Variants in CHIC1 observed in about 807,000 individuals in gnomAD.
CHIC1 encodes the protein cysteine-rich hydrophobic domain-containing protein 1.
Under a neutral mutation model 18.5 loss-of-function variants are expected in CHIC1, and 7 were observed. The ratio of observed to expected loss-of-function variants is 0.38; its 90% CI spans 0.22 to 0.71. CHIC1 has a LOEUF of 0.71. Ranked by LOEUF, CHIC1 falls within the 30% of genes least tolerant of loss-of-function variation. The pLI, the probability that CHIC1 is intolerant of heterozygous loss-of-function variation, is 0.49. For synonymous variants in CHIC1, 77 were observed against 73.5 expected, an observed-to-expected ratio of 1.05 and a Z score of -0.25; for missense variants, 159 against 176.9, an observed-to-expected ratio of 0.90 and a Z score of 0.57.
chrX:73,657,226 C>CT lies in CHIC1; in HGVS notation c.508-22092dup, dbSNP rs773486013. 9.2e-5 allele frequency among the ~76,000 whole-genome samples: 10 copies of CT among 108,876 alleles called. 1 individual carries two copies. The South Asian group carries it at 2.0e-3, about 22-fold the overall frequency. The allele number at this position is 108,876 out of a possible 115,157, so 94.5% of individuals were successfully genotyped here. Reference sequence around the variant, plus strand: ...AGGTGCCCGCCACCATGCCCGGCTACTTTTTTTTATTTTTTAGTAGAGACA... The same window carrying CT: ...AGGTGCCCGCCACCATGCCCGGCTACTTTTTTTTTATTTTTTAGTAGAGACA... On this transcript the variant is annotated intron_variant, in intron 3 of 5. Coordinates refer to ENST00000373502, the MANE Select transcript of CHIC1 (RefSeq NM_001039840.4).
In CHIC1 at chrX:73,642,123, A is replaced by C. The variant is rs750512506; in HGVS notation, c.508-37203A>C. Among the ~76,000 whole-genome samples, 5 of 111,887 alleles carry C rather than the reference A, an allele frequency of 4.5e-5. No individual in the cohort carries two copies. The South Asian group carries it at 1.9e-3, about 42-fold the overall frequency. Reference sequence around the variant, plus strand: ...ACTTCCACAAGGATCGAACTAGTTTACAATCCCACCAACAGTGTAAAAGTG... The same window carrying C: ...ACTTCCACAAGGATCGAACTAGTTTCCAATCCCACCAACAGTGTAAAAGTG... On this transcript the variant is annotated intron_variant, in intron 3 of 5. Coordinates refer to ENST00000373502, the MANE Select transcript of CHIC1 (RefSeq NM_001039840.4).
intron 3 of CHIC1, among the ~76,000 whole-genome samples, chrX:73,659,277 A>G (rs2057967214): frequency 9.0e-6 from 1 of 111,201 alleles, no homozygotes; most frequent in African/African-American, 3.3e-5. Flanking sequence ...TTATCTTTCA[A>G]AGCTTTTGCA....
chrX:73,672,120 A>G (rs1721164342), intron 3 of CHIC1, among the ~76,000 whole-genome samples: 1 of 111,912 alleles, frequency 8.9e-6, no homozygotes, highest in African/African-American at 3.3e-5. Context: ...ATGGCTGCAT[A>G]GTATTCCATG....
intron 3 of CHIC1, among the ~76,000 whole-genome samples, chrX:73,620,878 A>G (rs2057756791): frequency 2.7e-5 from 3 of 111,880 alleles, no homozygotes; most frequent in Non-Finnish European, 5.6e-5. Flanking sequence ...ATTTTTGCAT[A>G]AGGTGTATGT....
At position 73,571,995 on chromosome X, in the gene CHIC1, C is replaced by T. The variant is rs884169; in HGVS notation, c.297-5412C>T. Among the ~76,000 whole-genome samples the T allele has an allele frequency of 6.8e-3, 742 of 109,758 alleles. 5 individuals are homozygous for T. Among genetic ancestry groups the T allele is most frequent in the African/African-American group, 0.023 (697 of 30,350 alleles). ...ATTTTAGATTTGGGGGATACATGCGCAGTTTTATTACAAAGGTATATTACA... is the reference window on the plus strand; with the variant it reads ...ATTTTAGATTTGGGGGATACATGCGTAGTTTTATTACAAAGGTATATTACA... On this transcript the variant is annotated intron_variant, in intron 1 of 5. Coordinates refer to ENST00000373502, the MANE Select transcript of CHIC1 (RefSeq NM_001039840.4).
chrX:73,603,896 G>A lies in CHIC1; in HGVS notation c.507+19324G>A, dbSNP rs182804111. On this transcript the variant is annotated intron_variant, in intron 3 of 5. Coordinates refer to ENST00000373502, the MANE Select transcript of CHIC1 (RefSeq NM_001039840.4). ...AGCTTTTTGATTTGCTGCTGGATTC[G>A]GTTTGCCAGTATTTTATTGAGGATT... is the stretch of plus-strand genomic sequence containing the variant. Among the ~76,000 whole-genome samples, 14 of 108,503 alleles carry A rather than the reference G, an allele frequency of 1.3e-4. 1 individual carries two copies. In the East Asian group the frequency reaches 2.0e-3, roughly 15 times the overall value. The allele number at this position is 108,503 out of a possible 115,157, so 94.2% of individuals were successfully genotyped here.
intron 1 of CHIC1, among the ~76,000 whole-genome samples, chrX:73,572,848 A>G (rs1043770860): frequency 9.0e-6 from 1 of 111,206 alleles, no homozygotes; most frequent in East Asian, 2.8e-4. Context: ...GATTCTGTAT[A>G]TTATACCTTT....
intron 3 of CHIC1, among the ~76,000 whole-genome samples, chrX:73,639,010 A>G (rs2057843227): frequency 8.9e-6 from 1 of 111,882 alleles, no homozygotes; most frequent in African/African-American, 3.2e-5. Flanking sequence ...TCTTTATGGT[A>G]GAACAATTTA....
intron 3 of CHIC1, among the ~76,000 whole-genome samples, chrX:73,671,979 C>A (rs1232159701): frequency 4.5e-5 from 5 of 110,735 alleles, no homozygotes; most frequent in Admixed American, 9.6e-5. Context: ...TCCATGTGTT[C>A]TCATTGTTCA....
chrX:73,643,274 G>A (rs2147602087), intron 3 of CHIC1, among the ~76,000 whole-genome samples: 2 of 109,885 alleles, frequency 1.8e-5, no homozygotes, highest in East Asian at 2.9e-4. Flanking sequence ...TGGGTAACCC[G>A]ACCTTTCTCT....
chrX:73,656,520 G>T (rs1429275681), intron 3 of CHIC1, among the ~76,000 whole-genome samples: 1 of 111,550 alleles, frequency 9.0e-6, no homozygotes, highest in East Asian at 2.8e-4. Context: ...TTTTGCATAT[G>T]GCTAGCCAGT....
At chrX:73,678,922 G>T (rs897813418) in intron 3 of CHIC1, among the ~76,000 whole-genome samples, 7 of 111,664 alleles carry the variant, frequency 6.3e-5, no homozygotes, top group Non-Finnish European at 1.3e-4. Context: ...AGATTAGCTT[G>T]GCATTAGATG....
At chrX:73,625,625 C>G (rs2057780016) in intron 3 of CHIC1, among the ~76,000 whole-genome samples, 1 of 111,671 alleles carries the variant, frequency 9.0e-6, no homozygotes, top group South Asian at 3.8e-4. Context: ...TCACAGCCAT[C>G]AGCAGAGTGC....
rs886728663 is a variant in CHIC1, at chrX:73,629,307, AGTTTGATGTT to A, written c.507+44738_507+44747del. 3.0e-4 allele frequency among the ~76,000 whole-genome samples: 33 copies of A among 110,737 alleles called. 1 individual carries two copies. The highest frequency in any genetic ancestry group is 1.1e-3 in the South Asian group (3 of 2,615). On this transcript the variant is annotated intron_variant, in intron 3 of 5. Transcript: ENST00000373502. ...CTCCTTGGCTGTGCAGAGGCTTTTT[AGTTTGATGTT>A]GTCTGTCTTATTGTTGCTTTTGTTG...
At chrX:73,632,593 C>G (rs1354599813) in intron 3 of CHIC1, among the ~76,000 whole-genome samples, 1 of 108,789 alleles carries the variant, frequency 9.2e-6, no homozygotes, top group African/African-American at 3.3e-5. Context: ...TTTCTCTCAT[C>G]TTTTGTGTGT....
chrX:73,680,312 T>A (rs2058092204), intron 5 of CHIC1, among the ~76,000 whole-genome samples: 1 of 111,318 alleles, frequency 9.0e-6, no homozygotes, highest in Non-Finnish European at 1.9e-5. Flanking sequence ...TCCATGTGTG[T>A]TTCATAAGTA....
At chrX:73,628,668 G>T (rs1190344861) in intron 3 of CHIC1, among the ~76,000 whole-genome samples, 1 of 111,343 alleles carries the variant, frequency 9.0e-6, no homozygotes, top group African/African-American at 3.3e-5. Context: ...AGGGTTGGGG[G>T]AGGGGTGGCT....
rs2058125731 is a variant in CHIC1, at chrX:73,687,044, CA to C, written c.*6040del. ...GCTGCTTCTGTCATTGTTCACTTGT[CA>C]GATAAAATTTTATTATCTCAGGATG... On this transcript the variant is annotated 3_prime_UTR_variant, in exon 6 of 6. Coordinates refer to ENST00000373502, the MANE Select transcript of CHIC1 (RefSeq NM_001039840.4). The C allele has an allele frequency of 9.0e-6, 1 of 111,538 alleles. No homozygotes were observed. Among genetic ancestry groups the C allele is most frequent in the Admixed American group, 9.5e-5 (1 of 10,475 alleles). 9.2% of individuals were successfully genotyped at this position (111,538 alleles called of 1,213,427 possible).
At chrX:73,650,724 A>G (rs2057912320) in intron 3 of CHIC1, among the ~76,000 whole-genome samples, 1 of 104,811 alleles carries the variant, frequency 9.5e-6, no homozygotes, top group Non-Finnish European at 2.0e-5. Context: ...AAAAAAGCCC[A>G]GAAGCAGACA....
Sources: allele counts gnomAD v4.1 joint callset (sites outside exome capture counted in the v4.1 genomes callset), GRCh38; gene constraint gnomAD v4.1.1; transcripts MANE v1.5; gene names NCBI Gene and HGNC (gene_info 2026-07-23, HGNC 2026-07-21).